RBFOX1: variants seen among roughly 807,000 people sequenced by gnomAD.
RBFOX1 encodes RNA binding protein fox-1 homolog 1.
RBFOX1 carries 8 observed loss-of-function variants against 57.7 expected under a neutral mutation model. The observed-to-expected ratio is 0.14, with a 90% CI of 0.08 to 0.25. The LOEUF is 0.25. Among genes scored for constraint, RBFOX1 ranks in the 10% least tolerant of loss-of-function variants. The pLI is 1.00. For missense variants in RBFOX1, 611 were observed against 548.5 expected, an observed-to-expected ratio of 1.11 and a Z score of -1.14; for synonymous variants, 326 against 222.4, an observed-to-expected ratio of 1.47 and a Z score of -4.15.
At chr16:5,677,500 C>G (rs2050203629) in intron 3 of RBFOX1, among the ~76,000 whole-genome samples, 1 of 152,214 alleles carries the variant, frequency 6.6e-6, no homozygotes, top group East Asian at 1.9e-4. Context: ...CTGCCTACGA[C>G]TCGCCTGCCT....
intron 3 of RBFOX1, among the ~76,000 whole-genome samples, chr16:6,987,151 A>G (rs2090469658): frequency 6.6e-6 from 1 of 152,108 alleles, no homozygotes; most frequent in Non-Finnish European, 1.5e-5. Context: ...GAGCTCAGTC[A>G]GAGAGCAGCA....
intron 4 of RBFOX1, among the ~76,000 whole-genome samples, chr16:7,488,289 C>G (rs1394299007): frequency 3.3e-5 from 5 of 152,126 alleles, no homozygotes; most frequent in Admixed American, 6.5e-5. Context: ...TGCAGTTTCC[C>G]TTTCTCACTC....
At chr16:5,660,385 T>C (rs2049606002) in intron 3 of RBFOX1, among the ~76,000 whole-genome samples, 1 of 152,026 alleles carries the variant, frequency 6.6e-6, no homozygotes, top group Non-Finnish European at 1.5e-5. Flanking sequence ...TATGAAGGGG[T>C]CTTTGGCTCA....
intron 3 of RBFOX1, among the ~76,000 whole-genome samples, chr16:5,620,073 C>G (rs1189147119): frequency 6.6e-6 from 1 of 151,782 alleles, no homozygotes; most frequent in South Asian, 2.1e-4. Context: ...CCTACTGTTT[C>G]ATTGGCCTCG....
intron 4 of RBFOX1, among the ~76,000 whole-genome samples, chr16:7,504,010 A>ATCACCT (rs2071904097): frequency 6.6e-6 from 1 of 152,148 alleles, no homozygotes; most frequent in African/African-American, 2.4e-5. Context: ...GGTGCCCAAG[A>ATCACCT]TCACCTTCTA....
intron 1 of RBFOX1, among the ~76,000 whole-genome samples, chr16:5,313,670 G>C (rs541221015): frequency 1.3e-5 from 2 of 152,316 alleles, no homozygotes. Context: ...GACAAAGAGA[G>C]AGAGTTTGTG....
At chr16:7,591,817 A>G (rs2094456294) in intron 7 of RBFOX1, among the ~76,000 whole-genome samples, 1 of 152,160 alleles carries the variant, frequency 6.6e-6, no homozygotes, top group South Asian at 2.1e-4. Flanking sequence ...AAAAATATTC[A>G]TCATCTTTTT....
intron 3 of RBFOX1, among the ~76,000 whole-genome samples, chr16:5,717,729 C>T (rs2051765495): frequency 6.6e-6 from 1 of 152,162 alleles, no homozygotes; most frequent in Non-Finnish European, 1.5e-5. Context: ...ATTGGGAGGG[C>T]TTCGGTAACT....
chr16:7,373,176 A>G (rs1379225814), intron 4 of RBFOX1, among the ~76,000 whole-genome samples: 1 of 151,982 alleles, frequency 6.6e-6, no homozygotes, highest in Non-Finnish European at 1.5e-5. Context: ...CTTGTGATCT[A>G]CCTGCCTTGG....
At chr16:6,607,624 T>G (rs1295357374) in intron 2 of RBFOX1, among the ~76,000 whole-genome samples, 11 of 151,760 alleles carry the variant, frequency 7.2e-5, no homozygotes, top group Admixed American at 7.2e-4. Context: ...TCTCTCTTCT[T>G]CCTCCTCTAT....
At chr16:5,759,979 T>C (rs1394106000) in intron 3 of RBFOX1, among the ~76,000 whole-genome samples, 1 of 150,694 alleles carries the variant, frequency 6.6e-6, no homozygotes, top group Non-Finnish European at 1.5e-5. Context: ...TATAATCTTG[T>C]AGATGGCTAT....
intron 1 of RBFOX1, among the ~76,000 whole-genome samples, chr16:6,054,095 C>T (rs1237012502): frequency 6.6e-6 from 1 of 151,934 alleles, no homozygotes; most frequent in African/African-American, 2.4e-5. Flanking sequence ...ATAAATGGCA[C>T]CCCTTGAGTG....
intron 1 of RBFOX1, among the ~76,000 whole-genome samples, chr16:6,147,282 T>C (rs2096765588): frequency 6.6e-6 from 1 of 152,190 alleles, no homozygotes; most frequent in African/African-American, 2.4e-5. Flanking sequence ...TTTCATACTT[T>C]TCCTTCCTTA....
At chr16:5,595,468 C>T (rs1290422731) in intron 2 of RBFOX1, among the ~76,000 whole-genome samples, 1 of 152,188 alleles carries the variant, frequency 6.6e-6, no homozygotes, top group Non-Finnish European at 1.5e-5. Flanking sequence ...GGGAGCAGAA[C>T]TTGCAGGGAA....
At chr16:6,216,631 T>C (rs1474318751) in intron 1 of RBFOX1, among the ~76,000 whole-genome samples, 2 of 152,220 alleles carry the variant, frequency 1.3e-5, no homozygotes, top group Admixed American at 6.5e-5. Flanking sequence ...TGAAATGCTG[T>C]AACTTTGATT....
intron 2 of RBFOX1, among the ~76,000 whole-genome samples, chr16:5,539,757 G>A (rs907129598): frequency 2.0e-5 from 3 of 152,158 alleles, no homozygotes; most frequent in Non-Finnish European, 2.9e-5. Context: ...TGGGCCATAT[G>A]AAAGAAACTA....
At chr16:5,365,988 G>T in intron 1 of RBFOX1, 1 of 499,408 alleles carries the variant, frequency 2.0e-6, no homozygotes. Context: ...AGCAGAGGCA[G>T]TGAATTAGAA....
At chr16:6,822,184 AG>A (rs777335195) in intron 3 of RBFOX1, among the ~76,000 whole-genome samples, 37 of 152,136 alleles carry the variant, frequency 2.4e-4, no homozygotes, top group Non-Finnish European at 4.4e-4. Flanking sequence ...GTAAGAGGGG[AG>A]AATGATGGAT....
intron 3 of RBFOX1, among the ~76,000 whole-genome samples, chr16:6,968,124 G>A (rs369214017): frequency 6.6e-6 from 1 of 152,084 alleles, no homozygotes; most frequent in East Asian, 1.9e-4. Flanking sequence ...TTGCAACCCC[G>A]CACAGACACC....
Sources: allele counts gnomAD v4.1 joint callset (sites outside exome capture counted in the v4.1 genomes callset), GRCh38; gene constraint gnomAD v4.1.1; transcripts MANE v1.5; gene names NCBI Gene and HGNC (gene_info 2026-07-23, HGNC 2026-07-21).